The following CPPED1 variants were observed in gnomAD, a reference collection of about 807,000 sequenced individuals.
CPPED1 encodes the protein calcineurin like phosphoesterase domain containing 1, also known as serine/threonine-protein phosphatase CPPED1.
CPPED1 carries 28 observed loss-of-function variants against 28.0 expected under a neutral mutation model. That is an observed-to-expected ratio of 1.00 (90% CI 0.74 to 1.37). CPPED1 has a LOEUF of 1.37. Among genes scored for constraint, CPPED1 ranks in the 40% most tolerant of loss-of-function variants. The probability of loss-of-function intolerance (pLI) is 0.00; values close to 1 mark genes in which losing one functional copy is unlikely to be tolerated. For missense variants in CPPED1, 504 were observed against 416.5 expected (o/e 1.21, Z -1.83); for synonymous variants, 198 against 180.2 (o/e 1.10, Z -0.79).
chr16:12,716,782 G>T (rs551745829), intron 2 of CPPED1, among the ~76,000 whole-genome samples: 2 of 152,228 alleles, frequency 1.3e-5, no homozygotes, highest in African/African-American at 4.8e-5. Context: ...GCTACCCACT[G>T]TGTGCTAGGT....
intron 2 of CPPED1, among the ~76,000 whole-genome samples, chr16:12,726,443 A>G (rs970566579): frequency 3.3e-5 from 5 of 149,790 alleles, no homozygotes; most frequent in African/African-American, 1.2e-4. Context: ...CCTGGGTTCA[A>G]GCGATTCTCC....
intron 2 of CPPED1, among the ~76,000 whole-genome samples, chr16:12,743,821 C>T (rs113765478): frequency 6.6e-6 from 1 of 151,864 alleles, no homozygotes. Context: ...CTGGGCAGCA[C>T]GATGAAACCC....
intron 3 of CPPED1, among the ~76,000 whole-genome samples, chr16:12,668,259 A>G (rs1205988061): frequency 1.3e-5 from 2 of 152,348 alleles, no homozygotes; most frequent in East Asian, 3.9e-4. Flanking sequence ...CCAAACGCCA[A>G]TATTTTGGTA....
intron 2 of CPPED1, among the ~76,000 whole-genome samples, chr16:12,769,741 G>A (rs772923076): frequency 2.6e-5 from 4 of 152,106 alleles, no homozygotes; most frequent in Non-Finnish European, 2.9e-5. Context: ...ACCCACACGC[G>A]ACCTGCTGGA....
chr16:12,730,465 T>C (rs995374470), intron 2 of CPPED1, among the ~76,000 whole-genome samples: 3 of 152,176 alleles, frequency 2.0e-5, no homozygotes, highest in African/African-American at 7.2e-5. Context: ...AATGAGGGTG[T>C]TGGTCTATTA....
chr16:12,761,757 T>C (rs1426058086), intron 2 of CPPED1, among the ~76,000 whole-genome samples: 1 of 152,150 alleles, frequency 6.6e-6, no homozygotes, highest in Non-Finnish European at 1.5e-5. Flanking sequence ...CATAGTATAA[T>C]ACCAACACTT....
chr16:12,770,516 G>A (rs941929314), intron 2 of CPPED1, among the ~76,000 whole-genome samples: 3 of 152,138 alleles, frequency 2.0e-5, no homozygotes, highest in Admixed American at 1.3e-4. Flanking sequence ...GTATGATCAC[G>A]TTTGTATTTA....
rs113992281 is a variant in CPPED1, at chr16:12,734,100, T to C, written c.290-29051A>G. ...TTTTTTTTTTTTTTGAGACGAGTCA[T>C]GCTCTGTCACCCAGGCTGGAGTGCA... On this transcript the variant is annotated intron_variant, in intron 2 of 3. Transcript: ENST00000381774. Among the ~76,000 whole-genome samples, 882 of 126,428 alleles carry C rather than the reference T, an allele frequency of 7.0e-3. 4 individuals carry two copies. The highest frequency in any genetic ancestry group is 0.032 in the Middle Eastern group (7 of 220). 82.9% of individuals were successfully genotyped at this position (126,428 alleles called of 152,430 possible).
At chr16:12,773,406 C>A (rs1213436928) in intron 2 of CPPED1, among the ~76,000 whole-genome samples, 1 of 152,280 alleles carries the variant, frequency 6.6e-6, no homozygotes, top group Non-Finnish European at 1.5e-5. Flanking sequence ...TGCATACACA[C>A]AAGATTACAT....
Position 12,792,781 on chromosome 16 carries a change from T to C in CPPED1, c.70+10926A>G, listed in dbSNP as rs369369043. Among the ~76,000 whole-genome samples, 19 of 152,310 alleles carry C rather than the reference T, an allele frequency of 1.2e-4. 1 individual carries two copies. The highest frequency in any genetic ancestry group is 9.6e-4 in the East Asian group (5 of 5,184). On this transcript the variant is annotated intron_variant, in intron 1 of 3. Transcript: ENST00000381774. Reference sequence around the variant, plus strand: ...GCACACGCTCTCTTGCCTGCCACCATGTAAGACATGCCTTTGCTCTTCCTT... The same window carrying C: ...GCACACGCTCTCTTGCCTGCCACCACGTAAGACATGCCTTTGCTCTTCCTT...
rs114492847 is a variant in CPPED1 at position 12,734,881 on chromosome 16, A to T, written c.290-29832T>A. Among the ~76,000 whole-genome samples, 1,273 of 152,070 alleles carry T rather than the reference A, an allele frequency of 8.4e-3. 21 individuals carry two copies. Among genetic ancestry groups the T allele is most frequent in the African/African-American group, 0.029 (1,187 of 41,452 alleles). Reference sequence around the variant, plus strand: ...CAAGCCTCGAGGAACACAGGGATGAACCTGGGTCAGGTGGTAAAGGGATCC... The same window carrying T: ...CAAGCCTCGAGGAACACAGGGATGATCCTGGGTCAGGTGGTAAAGGGATCC... On this transcript the variant is annotated intron_variant, in intron 2 of 3. Coordinates refer to ENST00000381774, the MANE Select transcript of CPPED1 (RefSeq NM_018340.3).
At chr16:12,690,798 A>T (rs1024360507) in intron 3 of CPPED1, among the ~76,000 whole-genome samples, 25 of 152,162 alleles carry the variant, frequency 1.6e-4, no homozygotes, top group African/African-American at 6.0e-4. Context: ...GCCAAAGGGG[A>T]ATTCCACACC....
chr16:12,774,407 G>C (rs1365483199), intron 2 of CPPED1, among the ~76,000 whole-genome samples: 1 of 151,898 alleles, frequency 6.6e-6, no homozygotes, highest in African/African-American at 2.4e-5. Context: ...GGCAGAGGTT[G>C]CAGTGAGCCG....
Position 12,706,541 on chromosome 16 carries a change from T to C in CPPED1, c.290-1492A>G, listed in dbSNP as rs543846257. On this transcript the variant is annotated intron_variant, in intron 2 of 3. Coordinates refer to ENST00000381774, the MANE Select transcript of CPPED1 (RefSeq NM_018340.3). ...TCCTTCCTCCCTTTTCCCAAGCTTA[T>C]GTATAATTTTCACCGAAAAAAAAAA... Among the ~76,000 whole-genome samples, 246 of 136,068 alleles carry C rather than the reference T, an allele frequency of 1.8e-3. 1 individual carries two copies. The highest frequency in any genetic ancestry group is 3.3e-3 in the Non-Finnish European group (210 of 64,096). The allele number at this position is 136,068 out of a possible 152,430, so 89.3% of individuals were successfully genotyped here.
chr16:12,787,601 T>C (rs543098496), intron 1 of CPPED1, among the ~76,000 whole-genome samples: 33 of 152,204 alleles, frequency 2.2e-4, no homozygotes, highest in African/African-American at 7.9e-4. Context: ...GAGATGGGGT[T>C]TCACTATGTT....
intron 2 of CPPED1, among the ~76,000 whole-genome samples, chr16:12,732,830 G>A (rs1014983352): frequency 6.6e-6 from 1 of 152,180 alleles, no homozygotes; most frequent in East Asian, 1.9e-4. Context: ...GTGGAATGAA[G>A]ACATTTTTGG....
chr16:12,718,538 TA>T lies in CPPED1; in HGVS notation c.290-13490del, dbSNP rs61306353. Among the ~76,000 whole-genome samples, 1,172 of 117,768 alleles carry T rather than the reference TA, an allele frequency of 1.0e-2. 14 individuals carry two copies. The highest frequency in any genetic ancestry group is 0.033 in the African/African-American group (1,015 of 30,544). 77.3% of individuals were successfully genotyped at this position (117,768 alleles called of 152,430 possible). On this transcript the variant is annotated intron_variant, in intron 2 of 3. Transcript: ENST00000381774. ...TGGGTGACAGAGCAAGACTCTGTCTTAAAAAAAAAAAAAAAAAAAGAAAGAA... is the reference window on the plus strand; with the variant it reads ...TGGGTGACAGAGCAAGACTCTGTCTTAAAAAAAAAAAAAAAAAAGAAAGAA...
At position 12,789,823 on chromosome 16, in the gene CPPED1, A is replaced by T. The variant is rs140249209; in HGVS notation, c.71-8420T>A. On this transcript the variant is annotated intron_variant, in intron 1 of 3. Transcript: ENST00000381774. ...ATTACAGCCATGAGCCACTGCATCC[A>T]GCCTGGTTGCCATAATTTTCTAAAT... is the stretch of plus-strand genomic sequence containing the variant. 4.3e-3 allele frequency among the ~76,000 whole-genome samples: 650 copies of T among 152,278 alleles called. 3 individuals carry two copies. The highest frequency in any genetic ancestry group is 0.014 in the African/African-American group (584 of 41,558).
chr16:12,693,553 A>G (rs1038152881), intron 3 of CPPED1, among the ~76,000 whole-genome samples: 1 of 152,282 alleles, frequency 6.6e-6, no homozygotes, highest in African/African-American at 2.4e-5. Flanking sequence ...TTTTTAAGTA[A>G]AATTTAAAAG....
Sources: allele counts gnomAD v4.1 joint callset (sites outside exome capture counted in the v4.1 genomes callset), GRCh38; gene constraint gnomAD v4.1.1; transcripts MANE v1.5; gene names NCBI Gene and HGNC (gene_info 2026-07-23, HGNC 2026-07-21).